Variants in IKZF1 observed in about 807,000 individuals in gnomAD.
IKZF1 encodes the protein IKAROS family zinc finger 1, also known as DNA-binding protein Ikaros.
IKZF1 carries 10 observed loss-of-function variants against 51.7 expected under a neutral mutation model. That is an observed-to-expected ratio of 0.19 (90% CI 0.12 to 0.33). The LOEUF is 0.33. Ranked by LOEUF, IKZF1 falls within the 10% of genes least tolerant of loss-of-function variation. The pLI is 1.00. For missense variants in IKZF1, 484 were observed against 707.5 expected, an observed-to-expected ratio of 0.68 and a Z score of 3.58; for synonymous variants, 280 against 282.3, an observed-to-expected ratio of 0.99 and a Z score of 0.08.
chr7:50,352,896 A>G (rs926229912), intron 3 of IKZF1, among the ~76,000 whole-genome samples: 1 of 152,280 alleles, frequency 6.6e-6, no homozygotes, highest in Non-Finnish European at 1.5e-5. Context: ...TTATCCTTGC[A>G]TAAGGTAAGA....
At chr7:50,335,306 TGTGTG>T in intron 3 of IKZF1, among the ~76,000 whole-genome samples, 1 of 149,200 alleles carries the variant, frequency 6.7e-6, no homozygotes, top group Non-Finnish European at 1.5e-5. Flanking sequence ...GTGTATGGGA[TGTGTG>T]GTATGTGGTG....
intron 2 of IKZF1, among the ~76,000 whole-genome samples, chr7:50,325,071 G>A (rs1794522590): frequency 6.6e-6 from 1 of 152,048 alleles, no homozygotes; most frequent in African/African-American, 2.4e-5. Flanking sequence ...TACTCATTGG[G>A]ATAGCATGTC....
Position 50,367,803 on chromosome 7 carries a change from C to T in IKZF1, c.161-8730C>T, listed in dbSNP as rs777904626. 77 of 557,784 alleles carry T rather than the reference C, an allele frequency of 1.4e-4. 1 individual carries two copies. The highest frequency in any genetic ancestry group is 2.2e-4 in the Non-Finnish European group (69 of 314,416). The allele number at this position is 557,784 out of a possible 1,614,324, so 34.6% of individuals were successfully genotyped here. On this transcript the variant is annotated intron_variant, in intron 3 of 7. Transcript: ENST00000331340. ...TGGGATATAATGCTGTGAGTTGACACCTGAGGGGATTGTGGTCCTGTTCAT... is the reference window on the plus strand; with the variant it reads ...TGGGATATAATGCTGTGAGTTGACATCTGAGGGGATTGTGGTCCTGTTCAT...
intron 7 of IKZF1, chr7:50,394,328 G>A (rs781442879): frequency 8.6e-6 from 2 of 232,930 alleles, no homozygotes; most frequent in Non-Finnish European, 1.7e-5. Context: ...CTCCCAATGT[G>A]TCACAGCTTC....
At chr7:50,350,305 C>T (rs529778821) in intron 3 of IKZF1, among the ~76,000 whole-genome samples, 2 of 152,230 alleles carry the variant, frequency 1.3e-5, no homozygotes, top group South Asian at 4.1e-4. Flanking sequence ...AGAGGCTGGT[C>T]CCTGACTCTG....
At chr7:50,348,608 A>G (rs1800994052) in intron 3 of IKZF1, among the ~76,000 whole-genome samples, 1 of 152,238 alleles carries the variant, frequency 6.6e-6, no homozygotes, top group Admixed American at 6.5e-5. Flanking sequence ...GAGACAGGCC[A>G]CCATTTTGTT....
At chr7:50,306,428 T>C (rs7781824) in intron 1 of IKZF1, among the ~76,000 whole-genome samples, 2,907 of 152,326 alleles carry the variant, frequency 0.019, 49 homozygotes, top group East Asian at 0.042. Flanking sequence ...GGAAGGAGTT[T>C]AGAAACTCTC....
chr7:50,377,069 T>C, intron 4 of IKZF1: 1 of 490,256 alleles, frequency 2.0e-6, no homozygotes, highest in Non-Finnish European at 3.6e-6. Context: ...AGGGCTGCTA[T>C]TATAGTAACA....
At position 50,327,702 on chromosome 7, in the gene IKZF1, G is replaced by A. The variant is rs757321486; in HGVS notation, c.105G>A (p.Glu35=). The stretch of plus-strand genomic sequence containing the variant: ...GCGATGAGCCCATGCCGATCCCCGA[G>A]GACCTCTCCACCACCTCGGGAGGAC... The part of the protein sequence containing the change: ...DEGDEPMPIP[E]DLSTTSGGQQ... The change falls in exon 3 of 8, where the codon GAG becomes GAA. Residue 35 remains glutamate (E), a synonymous_variant. Coordinates refer to ENST00000331340, the MANE Select transcript of IKZF1 (RefSeq NM_006060.6). The A allele has an allele frequency of 3.7e-6, 6 of 1,613,698 alleles. No homozygotes were observed. Among genetic ancestry groups the A allele is most frequent in the Non-Finnish European group, 5.1e-6 (6 of 1,179,782 alleles).
At chr7:50,382,781 G>T in intron 5 of IKZF1, 74 bp downstream of exon 5, 1 of 1,496,754 alleles carries the variant, frequency 6.7e-7, no homozygotes, top group Admixed American at 2.0e-5. Flanking sequence ...CTGGGTCCCG[G>T]ATTGTGTCCT....
At chr7:50,353,723 C>A (rs1262802717) in intron 3 of IKZF1, among the ~76,000 whole-genome samples, 1 of 152,210 alleles carries the variant, frequency 6.6e-6, no homozygotes, top group African/African-American at 2.4e-5. Flanking sequence ...GCTCTCTTTT[C>A]AGCGAATCTC....
intron 3 of IKZF1, among the ~76,000 whole-genome samples, chr7:50,338,877 C>A (rs36127449): frequency 6.6e-6 from 1 of 152,212 alleles, no homozygotes; most frequent in South Asian, 2.1e-4. Context: ...ACCGCAGACA[C>A]GCTCACAATT....
chr7:50,303,959 C>T (rs190437158), upstream of IKZF1: 1 of 144,954 alleles, frequency 6.9e-6, no homozygotes. This position sits in a 1 kb window ranked among gnomAD's most constrained non-coding sequence, Gnocchi z 4.7. Context: ...CGCCGGCCGC[C>T]GCATCCCGTG....
At position 50,400,168 on chromosome 7, in the gene IKZF1, C is replaced by T. The variant is rs2153518397; in HGVS notation, c.1101C>T (p.Asp367=). ...CGCGCTCCAACCACTCGGCCCAGGA[C>T]AGCGCCGTGGAGAACCTGCTGCTGC... is the stretch of plus-strand genomic sequence containing the variant. The part of the protein sequence containing the change: ...GTPRSNHSAQ[D]SAVENLLLLS... Residue 367 remains aspartate, a synonymous_variant, in exon 8 of 8, where the codon GAC becomes GAT. Transcript: ENST00000331340. This position sits in a 1 kb window ranked among gnomAD's most constrained non-coding sequence, Gnocchi z 5.4. The T allele has an allele frequency of 1.9e-6, 3 of 1,564,002 alleles. No homozygotes were observed. Among genetic ancestry groups the T allele is most frequent in the Non-Finnish European group, 2.6e-6 (3 of 1,155,744 alleles).
intron 3 of IKZF1, chr7:50,368,983 T>C (rs922842845): frequency 7.2e-5 from 16 of 222,916 alleles, no homozygotes; most frequent in Non-Finnish European, 3.6e-5. Context: ...TTTAACAGTA[T>C]CAAAGTACAT....
chr7:50,322,941 G>T (rs1793810468), intron 2 of IKZF1, among the ~76,000 whole-genome samples: 1 of 151,928 alleles, frequency 6.6e-6, no homozygotes, highest in Non-Finnish European at 1.5e-5. Flanking sequence ...TTTGTAGTGT[G>T]TTTTTTTGGG....
chr7:50,339,182 G>A (rs1162047774), intron 3 of IKZF1, among the ~76,000 whole-genome samples: 1 of 150,322 alleles, frequency 6.7e-6, no homozygotes, highest in South Asian at 2.1e-4. Flanking sequence ...ATTTGACAGT[G>A]AAATTTGAAA....
intron 6 of IKZF1, among the ~76,000 whole-genome samples, chr7:50,390,500 A>C (rs1217421489): frequency 1.3e-5 from 2 of 152,234 alleles, no homozygotes; most frequent in Non-Finnish European, 2.9e-5. Flanking sequence ...TATGTTTTCA[A>C]AGTAACATTC....
chr7:50,376,464 T>C lies in IKZF1; in HGVS notation c.161-69T>C, dbSNP rs545927308. 174 of 1,579,998 alleles carry C rather than the reference T, an allele frequency of 1.1e-4. 1 individual carries two copies. The Admixed American group carries it at 3.1e-3, about 29-fold the overall frequency. ...CACACCTATTTGATTGTCTTTTTGCTGCTGTGTTGTTTTGTTGAGTTTTTT... is the reference window on the plus strand; with the variant it reads ...CACACCTATTTGATTGTCTTTTTGCCGCTGTGTTGTTTTGTTGAGTTTTTT... On this transcript the variant is annotated intron_variant, in intron 3 of 7. Coordinates refer to ENST00000331340, the MANE Select transcript of IKZF1 (RefSeq NM_006060.6). This position sits in a 1 kb window ranked among gnomAD's most constrained non-coding sequence, Gnocchi z 4.5.
Sources: gnomAD v4.1 joint callset for allele counts (sites outside exome capture counted in the v4.1 genomes callset) on GRCh38, gnomAD v4.1.1 for gene constraint, Gnocchi (gnomAD v3.1) non-coding constraint, MANE v1.5 for transcripts, NCBI Gene and HGNC (gene_info 2026-07-23, HGNC 2026-07-21) for gene names.